The following AGMO variants were observed in gnomAD, a reference collection of about 807,000 sequenced individuals.
AGMO encodes alkylglycerol monooxygenase.
Under a neutral mutation model 60.2 loss-of-function variants are expected in AGMO, and 75 were observed. The observed-to-expected ratio is 1.25, with a 90% CI of 1.03 to 1.51. The LOEUF is 1.51. Ranked by LOEUF, AGMO falls within the 40% of genes most tolerant of loss-of-function variation. The pLI, the probability that AGMO is intolerant of heterozygous loss-of-function variation, is 0.00. For missense variants in AGMO, 763 were observed against 525.5 expected, an observed-to-expected ratio of 1.45 and a Z score of -4.42; for synonymous variants, 261 against 177.1, an observed-to-expected ratio of 1.47 and a Z score of -3.76.
At chr7:15,518,395 G>A (rs145063326) in intron 3 of AGMO, among the ~76,000 whole-genome samples, 1,579 of 152,266 alleles carry the variant, frequency 0.01, 14 homozygotes, top group African/African-American at 0.036. Flanking sequence ...CCCAGCAGGG[G>A]TCAACAGGCA....
chr7:15,493,058 G>A (rs191266392), intron 3 of AGMO, among the ~76,000 whole-genome samples: 2 of 151,972 alleles, frequency 1.3e-5, no homozygotes, highest in African/African-American at 4.8e-5. Flanking sequence ...AGAGTGGAAG[G>A]GTTGTTTCAA....
chr7:15,519,211 T>C (rs573361664), intron 3 of AGMO, among the ~76,000 whole-genome samples: 2 of 151,254 alleles, frequency 1.3e-5, no homozygotes, highest in African/African-American at 4.9e-5. Context: ...CTGAAAGTGA[T>C]AAGAAGAATG....
chr7:15,317,888 T>C (rs1780978712), intron 12 of AGMO, among the ~76,000 whole-genome samples: 1 of 144,572 alleles, frequency 6.9e-6, no homozygotes, highest in East Asian at 2.0e-4. Flanking sequence ...TATACACACG[T>C]ATATATATAC....
chr7:15,333,494 G>C (rs994084690), intron 12 of AGMO, among the ~76,000 whole-genome samples: 1 of 151,362 alleles, frequency 6.6e-6, no homozygotes. Flanking sequence ...GAACTTGGTA[G>C]TAAGTTTCAC....
chr7:15,199,046 C>A (rs1316104883), downstream of AGMO, among the ~76,000 whole-genome samples: 1 of 152,134 alleles, frequency 6.6e-6, no homozygotes, highest in Non-Finnish European at 1.5e-5. Context: ...CAAAGGCAAA[C>A]TATAAACTAA....
At chr7:15,133,115 G>A in the AGMO span, among the ~76,000 whole-genome samples, 1 of 152,150 alleles carries the variant, frequency 6.6e-6, no homozygotes, top group Admixed American at 6.5e-5. Context: ...CTATAAAGCT[G>A]TGTCAAATTA....
At chr7:15,299,765 T>C (rs1299742060) in intron 12 of AGMO, among the ~76,000 whole-genome samples, 3 of 150,516 alleles carry the variant, frequency 2.0e-5, no homozygotes, top group African/African-American at 4.9e-5. Flanking sequence ...GAGGTGGAGG[T>C]TTCAGTGAGC....
At chr7:15,213,571 C>T (rs1213057294) in intron 12 of AGMO, among the ~76,000 whole-genome samples, 1 of 151,734 alleles carries the variant, frequency 6.6e-6, no homozygotes, top group Non-Finnish European at 1.5e-5. Flanking sequence ...TAAAAAAACC[C>T]TGAAAAATCC....
intron 12 of AGMO, among the ~76,000 whole-genome samples, chr7:15,268,464 G>A (rs1783497970): frequency 6.6e-6 from 1 of 151,890 alleles, no homozygotes; most frequent in Non-Finnish European, 1.5e-5. Context: ...ATTTCAAAAA[G>A]AAAAATGTAT....
the AGMO span, among the ~76,000 whole-genome samples, chr7:15,170,554 TA>T: frequency 3.9e-5 from 6 of 152,182 alleles, no homozygotes; most frequent in East Asian, 9.7e-4. Context: ...TATTTATTTT[TA>T]TTTTTTTATT....
intron 10 of AGMO, among the ~76,000 whole-genome samples, chr7:15,381,728 TC>T (rs1444972474): frequency 6.6e-6 from 1 of 152,138 alleles, no homozygotes; most frequent in African/African-American, 2.4e-5. Flanking sequence ...ATACATATGT[TC>T]ACTGAAACAC....
In AGMO at chr7:15,396,299, G is replaced by A. The variant is rs536235719; in HGVS notation, c.610-2120C>T. ...CCGGAGTTGTTCTTCACACATGTCTGCAGTTTCTTCCTCCAGGTGTGTTCC... is the reference window on the plus strand; with the variant it reads ...CCGGAGTTGTTCTTCACACATGTCTACAGTTTCTTCCTCCAGGTGTGTTCC... On this transcript the variant is annotated intron_variant, in intron 5 of 12. Coordinates refer to ENST00000342526, the MANE Select transcript of AGMO (RefSeq NM_001004320.2). The A allele has an allele frequency of 2.0e-5, 3 of 152,362 alleles. No individual in the cohort carries two copies. The East Asian group carries it at 5.8e-4, about 29-fold the overall frequency. 9.4% of individuals were successfully genotyped at this position (152,362 alleles called of 1,614,324 possible).
At chr7:15,288,283 AT>A (rs1272485330) in intron 12 of AGMO, among the ~76,000 whole-genome samples, 2 of 152,158 alleles carry the variant, frequency 1.3e-5, no homozygotes, top group Admixed American at 6.5e-5. Context: ...TACAGTACAA[AT>A]TTTTAAACAT....
At chr7:15,266,045 G>C (rs111599256) in intron 12 of AGMO, among the ~76,000 whole-genome samples, 190 of 152,082 alleles carry the variant, frequency 1.2e-3, no homozygotes, top group African/African-American at 4.0e-3. Context: ...AGACAAATTC[G>C]ATATAATTGC....
At chr7:15,378,129 G>T (rs1488389280) in intron 10 of AGMO, among the ~76,000 whole-genome samples, 1 of 151,936 alleles carries the variant, frequency 6.6e-6, no homozygotes. Flanking sequence ...TCACAAAATG[G>T]AAACAAGAAT....
chr7:15,522,484 A>C (rs1784023535), intron 3 of AGMO, among the ~76,000 whole-genome samples: 2 of 152,224 alleles, frequency 1.3e-5, no homozygotes, highest in African/African-American at 4.8e-5. Flanking sequence ...ACAGCATGGT[A>C]CTAGTACCAA....
At chr7:15,413,531 G>A (rs1366900636) in intron 5 of AGMO, among the ~76,000 whole-genome samples, 2 of 152,004 alleles carry the variant, frequency 1.3e-5, no homozygotes, top group African/African-American at 2.4e-5. Flanking sequence ...TAGTCAAACT[G>A]CTAATATTTT....
chr7:15,339,067 G>C (rs747896584), intron 12 of AGMO, among the ~76,000 whole-genome samples: 1 of 152,152 alleles, frequency 6.6e-6, no homozygotes, highest in African/African-American at 2.4e-5. Flanking sequence ...TGTAGTAGCG[G>C]AACTGCAAGC....
chr7:15,431,877 A>C (rs1289021500), intron 3 of AGMO, among the ~76,000 whole-genome samples: 2 of 151,856 alleles, frequency 1.3e-5, no homozygotes, highest in Non-Finnish European at 3.0e-5. Context: ...TTTTTAAAAA[A>C]ATTTTTACAA....
Sources: gnomAD v4.1 joint callset for allele counts (sites outside exome capture counted in the v4.1 genomes callset) on GRCh38, gnomAD v4.1.1 for gene constraint, MANE v1.5 for transcripts, NCBI Gene and HGNC (gene_info 2026-07-23, HGNC 2026-07-21) for gene names.